DPYD: variants seen among roughly 807,000 people sequenced by gnomAD.
The protein encoded by DPYD is dihydropyrimidine dehydrogenase [NADP(+)].
Under a neutral mutation model 116.2 loss-of-function variants are expected in DPYD, and 109 were observed. The observed-to-expected ratio is 0.94, with a 90% CI of 0.80 to 1.10. DPYD has a LOEUF of 1.10. DPYD is among the 50% of genes least tolerant of loss of function. The pLI is 0.00. For synonymous variants in DPYD, 440 were observed against 432.0 expected, an observed-to-expected ratio of 1.02 and a Z score of -0.23; for missense variants, 1,302 against 1,254.5, an observed-to-expected ratio of 1.04 and a Z score of -0.57.
chr1:97,108,526 TG>T (rs1651346999), intron 20 of DPYD, among the ~76,000 whole-genome samples: 1 of 152,148 alleles, frequency 6.6e-6, no homozygotes, highest in Non-Finnish European at 1.5e-5. Flanking sequence ...CTATAACATA[TG>T]GATATCATGG....
intron 21 of DPYD, among the ~76,000 whole-genome samples, chr1:97,093,549 T>C (rs1473182173): frequency 6.6e-6 from 1 of 152,182 alleles, no homozygotes; most frequent in Non-Finnish European, 1.5e-5. Context: ...CATCATCTAA[T>C]TTATAACTCT....
At chr1:97,833,436 G>C (rs1440682046) in intron 2 of DPYD, among the ~76,000 whole-genome samples, 1 of 152,112 alleles carries the variant, frequency 6.6e-6, no homozygotes, top group Admixed American at 6.6e-5. Flanking sequence ...ATGACTATGA[G>C]TTTGTTACTT....
chr1:97,151,289 T>C (rs1654995405), intron 20 of DPYD, among the ~76,000 whole-genome samples: 1 of 152,236 alleles, frequency 6.6e-6, no homozygotes, highest in Non-Finnish European at 1.5e-5. Flanking sequence ...CTTTTGATTC[T>C]TTACAACAGT....
At chr1:97,856,055 C>T (rs1441574138) in intron 2 of DPYD, 2 of 152,062 alleles carry the variant, frequency 1.3e-5, no homozygotes, top group East Asian at 3.9e-4. Context: ...TTTGAAGAAT[C>T]TTACTAATGG....
intron 19 of DPYD, among the ~76,000 whole-genome samples, chr1:97,224,354 T>C (rs1301756424): frequency 6.6e-6 from 1 of 152,040 alleles, no homozygotes; most frequent in Non-Finnish European, 1.5e-5. Flanking sequence ...TTAGTTTTTA[T>C]ATTCAGGATT....
intron 3 of DPYD, among the ~76,000 whole-genome samples, chr1:97,766,389 T>C (rs1665857581): frequency 6.6e-6 from 1 of 152,076 alleles, no homozygotes; most frequent in Admixed American, 6.6e-5. Context: ...GGTATATTGA[T>C]AAGGAGAGAA....
intron 14 of DPYD, among the ~76,000 whole-genome samples, chr1:97,440,523 G>A (rs1675721769): frequency 6.6e-6 from 1 of 151,772 alleles, no homozygotes; most frequent in South Asian, 2.1e-4. Flanking sequence ...TTTAGTGATT[G>A]TTTTAGAGTA....
chr1:97,815,509 A>C (rs1668558215), intron 3 of DPYD, among the ~76,000 whole-genome samples: 2 of 152,192 alleles, frequency 1.3e-5, no homozygotes, highest in South Asian at 2.1e-4. Context: ...TGTTTCAAGA[A>C]AGGATAGTCA....
intron 2 of DPYD, among the ~76,000 whole-genome samples, chr1:97,842,806 T>C (rs1357767794): frequency 6.6e-6 from 1 of 152,092 alleles, no homozygotes; most frequent in Non-Finnish European, 1.5e-5. Flanking sequence ...AAAATCTATA[T>C]TGTTTAAAAG....
At chr1:97,344,466 T>A (rs1330090921) in intron 16 of DPYD, among the ~76,000 whole-genome samples, 2 of 151,902 alleles carry the variant, frequency 1.3e-5, no homozygotes, top group Non-Finnish European at 2.9e-5. Flanking sequence ...ACTAGTAGTG[T>A]TGGTGTCTAT....
rs1188206395 is a variant in DPYD, at chr1:97,633,997, G to A, written c.851-38831C>T. On this transcript the variant is annotated intron_variant, in intron 8 of 22. Transcript: ENST00000370192. ...TTATGCCCTGCTTTTAGACAGATAAGGGGAAAGAAGATAACTCTTCCTGCA... is the reference window on the plus strand; with the variant it reads ...TTATGCCCTGCTTTTAGACAGATAAAGGGAAAGAAGATAACTCTTCCTGCA... Among the ~76,000 whole-genome samples, 5 of 152,062 alleles carry A rather than the reference G, an allele frequency of 3.3e-5. No individual in the cohort carries two copies. The South Asian group carries it at 8.3e-4, about 25-fold the overall frequency.
intron 15 of DPYD, among the ~76,000 whole-genome samples, chr1:97,380,990 T>C (rs1671924779): frequency 6.6e-6 from 1 of 152,240 alleles, no homozygotes; most frequent in African/African-American, 2.4e-5. Flanking sequence ...TCTCCTGGGC[T>C]AGTCCAGACT....
intron 18 of DPYD, among the ~76,000 whole-genome samples, chr1:97,252,742 A>C (rs1663192851): frequency 6.6e-6 from 1 of 152,258 alleles, no homozygotes; most frequent in South Asian, 2.1e-4. Context: ...AACACTTTCA[A>C]ATTTTTTCAA....
intron 19 of DPYD, among the ~76,000 whole-genome samples, chr1:97,225,213 A>T (rs1222272858): frequency 6.6e-6 from 1 of 152,060 alleles, no homozygotes; most frequent in Non-Finnish European, 1.5e-5. Flanking sequence ...CATTTTCCCC[A>T]ACAATGAACA....
intron 20 of DPYD, among the ~76,000 whole-genome samples, chr1:97,133,178 C>T (rs1653466024): frequency 6.6e-6 from 1 of 151,872 alleles, no homozygotes; most frequent in South Asian, 2.1e-4. Flanking sequence ...AGCATTAATT[C>T]TGCCACACTT....
At chr1:97,443,738 T>C (rs1675928485) in intron 14 of DPYD, among the ~76,000 whole-genome samples, 1 of 152,244 alleles carries the variant, frequency 6.6e-6, no homozygotes. Flanking sequence ...TTTCACCTGT[T>C]ACAAAATTTT....
At chr1:97,331,955 C>A (rs896520383) in intron 16 of DPYD, among the ~76,000 whole-genome samples, 1 of 152,124 alleles carries the variant, frequency 6.6e-6, no homozygotes, top group Admixed American at 6.6e-5. Context: ...TATCTATTAT[C>A]CAGAAACTTT....
rs943295676 is a variant in DPYD at position 97,731,013 on chromosome 1, CAT to C, written c.322-9344_322-9343del. The stretch of plus-strand genomic sequence containing the variant: ...GTGAAGATTATTAATCAAAGAATCT[CAT>C]ATTAATGTGAAATATATATATATTC... On this transcript the variant is annotated intron_variant, in intron 4 of 22. Transcript: ENST00000370192. Among the ~76,000 whole-genome samples the C allele has an allele frequency of 4.2e-4, 64 of 151,946 alleles. 2 individuals carry two copies. Among genetic ancestry groups the C allele is most frequent in the Non-Finnish European group, 4.4e-5 (3 of 67,958 alleles).
chr1:97,197,671 G>C (rs1354195120), intron 19 of DPYD, among the ~76,000 whole-genome samples: 1 of 152,138 alleles, frequency 6.6e-6, no homozygotes, highest in Non-Finnish European at 1.5e-5. Flanking sequence ...GTAGACTTGG[G>C]ATCTTTTAAC....
Sources: gnomAD v4.1 joint callset for allele counts (sites outside exome capture counted in the v4.1 genomes callset) on GRCh38, gnomAD v4.1.1 for gene constraint, MANE v1.5 for transcripts, NCBI Gene and HGNC (gene_info 2026-07-23, HGNC 2026-07-21) for gene names.